The following HELLS variants were observed in gnomAD, a reference collection of about 807,000 sequenced individuals.
HELLS encodes the protein lymphoid-specific helicase.
In HELLS, 32 loss-of-function variants were observed where a neutral mutation model predicts 120.0. That is an observed-to-expected ratio of 0.27 (90% CI 0.20 to 0.36). The LOEUF (loss-of-function observed/expected upper bound fraction) is 0.36. HELLS is among the 10% of genes least tolerant of loss of function. The pLI is 1.00. For missense variants in HELLS, 650 were observed against 993.4 expected, an observed-to-expected ratio of 0.65 and a Z score of 4.65; for synonymous variants, 341 against 323.4, an observed-to-expected ratio of 1.05 and a Z score of -0.58.
intron 6 of HELLS, among the ~76,000 whole-genome samples, chr10:94,564,192 T>C (rs924844752): frequency 3.3e-5 from 5 of 152,208 alleles, no homozygotes; most frequent in Admixed American, 1.3e-4. Context: ...GTTAAGTACC[T>C]AGTGGACTTG....
At chr10:94,578,821 C>T (rs1589739213) in intron 10 of HELLS, among the ~76,000 whole-genome samples, 2 of 152,260 alleles carry the variant, frequency 1.3e-5, no homozygotes, top group Middle Eastern at 6.8e-3. Context: ...AGCGCACAAC[C>T]CAGACAACCC....
At chr10:94,561,075 CA>C (rs35118357) in intron 4 of HELLS, among the ~76,000 whole-genome samples, 24,331 of 146,150 alleles carry the variant, frequency 0.17, 2,102 homozygotes, top group Middle Eastern at 0.23. Flanking sequence ...AACAAAAAAA[CA>C]AAAAAAAAAC....
intron 2 of HELLS, among the ~76,000 whole-genome samples, chr10:94,550,547 C>T (rs1842934206): frequency 6.6e-6 from 1 of 151,580 alleles, no homozygotes; most frequent in Non-Finnish European, 1.5e-5. Context: ...CCCAAAGTGC[C>T]AGGATTACAG....
intron 8 of HELLS, 182 bp downstream of exon 8, chr10:94,574,369 C>A: frequency 1.5e-6 from 1 of 688,698 alleles, no homozygotes; most frequent in Non-Finnish European, 2.4e-6. Flanking sequence ...TTGTTAATGG[C>A]TTCCAGCACT....
Position 94,597,116 on chromosome 10 carries a change from GTAT to G in HELLS, c.2422+9_2422+11del, listed in dbSNP as rs1471933971. ...TAGATCGAAGTGATCTTATTGGTAA[GTAT>G]TATGCTTTTTTTTAATGGAAGCTTC... On this transcript the variant is annotated splice_donor_region_variant and intron_variant, in intron 21 of 21. Transcript: ENST00000348459. 6.5e-7 allele frequency: 1 copy of G among 1,537,658 alleles called. No individual in the cohort carries two copies. The highest frequency in any genetic ancestry group is 1.1e-5 in the South Asian group (1 of 87,372).
intron 10 of HELLS, 70 bp downstream of exon 10, chr10:94,576,875 C>A: frequency 7.3e-7 from 1 of 1,363,910 alleles, no homozygotes; most frequent in Admixed American, 2.2e-5. Flanking sequence ...ATCACTTTCT[C>A]ACCATCTGGG....
At chr10:94,556,813 T>C (rs1383583856) in intron 3 of HELLS, among the ~76,000 whole-genome samples, 1 of 152,146 alleles carries the variant, frequency 6.6e-6, no homozygotes, top group Non-Finnish European at 1.5e-5. Flanking sequence ...ACTTTAAAGA[T>C]GTTTCACTGT....
chr10:94,560,519 AC>A (rs1013871358), intron 4 of HELLS, among the ~76,000 whole-genome samples: 2 of 151,616 alleles, frequency 1.3e-5, no homozygotes, highest in African/African-American at 4.9e-5. Flanking sequence ...ACATGATGAG[AC>A]CCTGTCTCTG....
intron 11 of HELLS, among the ~76,000 whole-genome samples, chr10:94,582,708 A>G (rs963458455): frequency 6.6e-6 from 1 of 152,102 alleles, no homozygotes. Context: ...CTACTGTACA[A>G]TTGTTAATCT....
intron 21 of HELLS, among the ~76,000 whole-genome samples, chr10:94,600,666 C>A (rs1845991594): frequency 6.6e-6 from 1 of 152,066 alleles, no homozygotes; most frequent in African/African-American, 2.4e-5. Context: ...ACTGCACTTA[C>A]AAACTTCAGA....
intron 21 of HELLS, among the ~76,000 whole-genome samples, chr10:94,600,649 T>G (rs1845990983): frequency 6.6e-6 from 1 of 152,150 alleles, no homozygotes; most frequent in African/African-American, 2.4e-5. Context: ...GATTCTCCTC[T>G]CCTCACACTG....
chr10:94,546,877 A>T (rs527362359), intron 2 of HELLS, among the ~76,000 whole-genome samples: 1 of 152,240 alleles, frequency 6.6e-6, no homozygotes. Flanking sequence ...TAAAACCTGC[A>T]GAAGTAATGT....
intron 12 of HELLS, among the ~76,000 whole-genome samples, chr10:94,586,362 C>G (rs1257900028): frequency 6.6e-6 from 1 of 152,182 alleles, no homozygotes; most frequent in Non-Finnish European, 1.5e-5. Flanking sequence ...ACCTCGTGAT[C>G]CGCCTGCCTT....
chr10:94,578,441 A>C (rs923120696), intron 10 of HELLS, among the ~76,000 whole-genome samples: 29 of 152,126 alleles, frequency 1.9e-4, no homozygotes, highest in African/African-American at 6.5e-4. Flanking sequence ...TCACCCCTGT[A>C]ATCCCAGCAC....
At chr10:94,564,332 A>T (rs1171354706) in intron 6 of HELLS, among the ~76,000 whole-genome samples, 1 of 152,172 alleles carries the variant, frequency 6.6e-6, no homozygotes, top group African/African-American at 2.4e-5. Flanking sequence ...GCAGATAAGT[A>T]TTTCAGGGAA....
rs765242262 is a variant in HELLS at position 94,588,258 on chromosome 10, G to A, written c.1356G>A (p.Leu452=). 1 of 1,604,890 alleles carries A rather than the reference G, an allele frequency of 6.2e-7. No homozygotes were observed. Among genetic ancestry groups the A allele is most frequent in the East Asian group, 2.2e-5 (1 of 44,818 alleles). The change falls in exon 13 of 22, where the codon CTG becomes CTA. Residue 452 remains leucine, a synonymous_variant. Coordinates refer to ENST00000348459, the MANE Select transcript of HELLS (RefSeq NM_018063.5). ...TAACACCTTTCTTATTGAGAAGACT[G>A]AAGTCTGATGTTGCTCTTGAAGTTC... ...QILTPFLLRR[L]KSDVALEVPP... is the part of the protein sequence containing the mutation.
At chr10:94,597,360 T>C (rs987880997) in intron 21 of HELLS, among the ~76,000 whole-genome samples, 8 of 152,178 alleles carry the variant, frequency 5.3e-5, no homozygotes, top group Non-Finnish European at 8.8e-5. Context: ...ATGAATATAT[T>C]CAAGTTCCTG....
At chr10:94,589,202 A>T (rs1008514428) in intron 13 of HELLS, among the ~76,000 whole-genome samples, 11 of 152,230 alleles carry the variant, frequency 7.2e-5, no homozygotes, top group Non-Finnish European at 1.5e-4. Flanking sequence ...AACTCTAATC[A>T]TGCTTTCTGG....
intron 10 of HELLS, among the ~76,000 whole-genome samples, chr10:94,579,479 T>C (rs1412194349): frequency 3.3e-5 from 5 of 151,958 alleles, no homozygotes; most frequent in Non-Finnish European, 7.4e-5. Flanking sequence ...ACTACTTTTA[T>C]ACTAAATAAT....
Sources: allele counts gnomAD v4.1 joint callset (sites outside exome capture counted in the v4.1 genomes callset), GRCh38; gene constraint gnomAD v4.1.1; transcripts MANE v1.5; gene names NCBI Gene and HGNC (gene_info 2026-07-23, HGNC 2026-07-21).